Variants in MGME1 observed in about 807,000 individuals in gnomAD.
The protein encoded by MGME1 is mitochondrial genome maintenance exonuclease 1, also known as chromosome 20 open reading frame 72.
MGME1 carries 22 observed loss-of-function variants against 33.0 expected under a neutral mutation model. The observed-to-expected ratio is 0.67, with a 90% confidence interval of 0.48 to 0.95. MGME1 has a LOEUF of 0.95. Ranked by LOEUF, MGME1 falls within the 40% of genes least tolerant of loss-of-function variation. The pLI is 0.00. For missense variants in MGME1, 383 were observed against 397.8 expected (o/e 0.96, Z 0.32); for synonymous variants, 133 against 144.0 (o/e 0.92, Z 0.55).
intron 3 of MGME1, among the ~76,000 whole-genome samples, chr20:17,986,908 T>C (rs2036166882): frequency 6.6e-6 from 1 of 151,776 alleles, no homozygotes; most frequent in South Asian, 2.1e-4. Flanking sequence ...AAATATAACA[T>C]GGTGGCTCAC....
At chr20:17,979,463 G>A (rs1477486631) in intron 3 of MGME1, among the ~76,000 whole-genome samples, 2 of 151,822 alleles carry the variant, frequency 1.3e-5, no homozygotes, top group African/African-American at 4.8e-5. Context: ...CCAGGCTGGA[G>A]TGCAGTGGCG....
At chr20:17,988,506 G>T (rs2036209825) in intron 4 of MGME1, among the ~76,000 whole-genome samples, 1 of 152,094 alleles carries the variant, frequency 6.6e-6, no homozygotes, top group Admixed American at 6.6e-5. Context: ...GCTGGGCATG[G>T]TGGCTCATGC....
chr20:17,970,171 C>A lies in MGME1; in HGVS notation c.312C>A (p.Phe104Leu), dbSNP rs770987146. 3 of 1,614,076 alleles carry A rather than the reference C, an allele frequency of 1.9e-6. No homozygotes were observed. In the African/African-American group the frequency reaches 4.0e-5, roughly 22 times the overall value. ...TGCCACAAAACTGGTTTCCTATCTT[C>A]AATCCAGAGAGAAGTGATAAACCAA... ...RRVPQNWFPI[F>L]NPERSDKPNA... The change falls in exon 2 of 5, where the codon TTC becomes TTA. Residue 104 changes from phenylalanine (F) to leucine (L), a missense_variant. Transcript: ENST00000377710.
In MGME1 at chr20:17,970,016, T is replaced by C; in HGVS notation, c.157T>C (p.Ser53Pro). Residue 53 changes from serine to proline, a missense_variant, in exon 2 of 5, where the codon TCT becomes CCT. By Grantham distance (74) the Ser-to-Pro change is moderately conservative (BLOSUM62 -1). Coordinates refer to ENST00000377710, the MANE Select transcript of MGME1 (RefSeq NM_052865.4). ...TGAAGAAGTGGACCAAGAAAAATACTCTAATTTAGTTCAGTCTGTCTTGTC... is the reference window on the plus strand; with the variant it reads ...TGAAGAAGTGGACCAAGAAAAATACCCTAATTTAGTTCAGTCTGTCTTGTC... ...PYEEVDQEKYSNLVQSVLSSR... is the reference protein window; with the variant it reads ...PYEEVDQEKYPNLVQSVLSSR... 1.9e-6 allele frequency: 3 copies of C among 1,614,150 alleles called. No individual in the cohort carries two copies. The highest frequency in any genetic ancestry group is 2.5e-6 in the Non-Finnish European group (3 of 1,180,028).
At position 17,975,775 on chromosome 20, in the gene MGME1, C is replaced by G; in HGVS notation, c.603C>G (p.Leu201=). Residue 201 remains leucine (L), a synonymous_variant, in exon 3 of 5, where the codon CTC becomes CTG. Coordinates refer to ENST00000377710, the MANE Select transcript of MGME1 (RefSeq NM_052865.4). Reference sequence around the variant, plus strand: ...TAAAAGAGAGAGATGAAAATCTCCTCAAGTCTGGTTACATTGAAAGTGTCC... The same window carrying G: ...TAAAAGAGAGAGATGAAAATCTCCTGAAGTCTGGTTACATTGAAAGTGTCC... ...ETLKERDENL[L]KSGYIESVQH... The G allele has an allele frequency of 6.2e-7, 1 of 1,614,076 alleles. No individual in the cohort carries two copies. The highest frequency in any genetic ancestry group is 8.5e-7 in the Non-Finnish European group (1 of 1,179,958).
rs773091100 is a variant in MGME1 at position 17,988,254 on chromosome 20, G to A, written c.820G>A (p.Ala274Thr). The A allele has an allele frequency of 3.1e-6, 5 of 1,614,046 alleles. No homozygotes were observed. The South Asian group carries it at 5.5e-5, about 18-fold the overall frequency. The change falls in exon 4 of 5, where the codon GCA (alanine) becomes ACA (threonine). Residue 274 changes from alanine (A) to threonine (T), a missense_variant. Transcript: ENST00000377710. The part of the protein sequence containing the change: ...STFDNPLQVV[A>T]YMGAMNHDTN... Reference sequence around the variant, plus strand: ...ATTTGACAACCCACTGCAAGTTGTGGCATACATGGGTGCCATGAACCATGA... The same window carrying A: ...ATTTGACAACCCACTGCAAGTTGTGACATACATGGGTGCCATGAACCATGA...
intron 2 of MGME1, among the ~76,000 whole-genome samples, chr20:17,972,303 T>G (rs952833498): frequency 2.6e-5 from 4 of 152,178 alleles, no homozygotes; most frequent in African/African-American, 9.7e-5. Context: ...GTGTCTGGCA[T>G]TCTTCCAAAT....
intron 4 of MGME1, among the ~76,000 whole-genome samples, chr20:17,988,505 G>A (rs1229381307): frequency 6.6e-6 from 1 of 151,950 alleles, no homozygotes; most frequent in African/African-American, 2.4e-5. Flanking sequence ...AGCTGGGCAT[G>A]GTGGCTCATG....
chr20:17,983,481 G>A (rs2036084604), intron 3 of MGME1, among the ~76,000 whole-genome samples: 1 of 152,020 alleles, frequency 6.6e-6, no homozygotes, highest in African/African-American at 2.4e-5. Context: ...AGTAGTTCTG[G>A]TTTCAGTTTT....
Position 17,969,826 on chromosome 20 carries a change from C to T in MGME1, c.-34C>T, listed in dbSNP as rs764266853. On this transcript the variant is annotated 5_prime_UTR_variant, in exon 2 of 5. Transcript: ENST00000377710. ...GAATACAAACATAAAGGCCTTCGAC[C>T]GTTGCAAATAGACTAAAGTGAAAAC... The T allele has an allele frequency of 1.9e-6, 3 of 1,560,740 alleles. No individual in the cohort carries two copies. Among genetic ancestry groups the T allele is most frequent in the African/African-American group, 1.4e-5 (1 of 72,770 alleles).
At chr20:17,985,513 TTAGTG>T (rs1317819390) in intron 3 of MGME1, among the ~76,000 whole-genome samples, 1 of 152,138 alleles carries the variant, frequency 6.6e-6, no homozygotes, top group African/African-American at 2.4e-5. Context: ...TTTTATAAAT[TTAGTG>T]TAGCGTAAGT....
chr20:17,989,530 C>T (rs1413262183), intron 4 of MGME1, among the ~76,000 whole-genome samples: 2 of 151,818 alleles, frequency 1.3e-5, no homozygotes, highest in African/African-American at 2.4e-5. Context: ...GCCTGGGCAA[C>T]GTGACAAAAC....
intron 2 of MGME1, chr20:17,972,617 A>C (rs2035758577): frequency 1.1e-6 from 1 of 951,504 alleles, no homozygotes; most frequent in African/African-American, 1.8e-5. Context: ...TGCTACATGC[A>C]GTGAATATTC....
chr20:17,983,854 C>T (rs563860405), intron 3 of MGME1, among the ~76,000 whole-genome samples: 1 of 152,160 alleles, frequency 6.6e-6, no homozygotes, highest in African/African-American at 2.4e-5. Flanking sequence ...ATCCCCTTAT[C>T]AGATAGGTGG....
intron 1 of MGME1, among the ~76,000 whole-genome samples, 178 bp downstream of exon 1, chr20:17,969,319 C>G (rs1003336154): frequency 6.6e-6 from 1 of 152,222 alleles, no homozygotes; most frequent in African/African-American, 2.4e-5. Flanking sequence ...CAGCTCTGAC[C>G]GGCGAGCGAC....
At chr20:17,979,571 G>A (rs1374193152) in intron 3 of MGME1, among the ~76,000 whole-genome samples, 2 of 150,640 alleles carry the variant, frequency 1.3e-5, no homozygotes, top group East Asian at 2.0e-4. Flanking sequence ...CACCACGCCC[G>A]GCTAATTTTT....
chr20:17,975,424 G>C (rs2035834521), intron 2 of MGME1, among the ~76,000 whole-genome samples: 1 of 151,964 alleles, frequency 6.6e-6, no homozygotes, highest in Non-Finnish European at 1.5e-5. Flanking sequence ...AGGCACGGTG[G>C]CGGGCGCCTG....
chr20:17,974,061 G>GGTTT (rs2035795790), intron 2 of MGME1, among the ~76,000 whole-genome samples: 3 of 85,474 alleles, frequency 3.5e-5, no homozygotes, highest in Non-Finnish European at 7.1e-5. Flanking sequence ...CTCTTTGTGT[G>GGTTT]TTTTTTTTTT....
chr20:17,970,976 G>A (rs971431622), intron 2 of MGME1, among the ~76,000 whole-genome samples: 11 of 152,204 alleles, frequency 7.2e-5, no homozygotes, highest in Admixed American at 5.9e-4. Flanking sequence ...CAAAAACAAA[G>A]ACCATTGGCA....
Sources: allele counts gnomAD v4.1 joint callset (sites outside exome capture counted in the v4.1 genomes callset), GRCh38; gene constraint gnomAD v4.1.1; transcripts MANE v1.5; gene names NCBI Gene and HGNC (gene_info 2026-07-23, HGNC 2026-07-21).